FMO5: variants seen among roughly 807,000 people sequenced by gnomAD.
FMO5 encodes flavin containing dimethylaniline monoxygenase 5.
In FMO5, 51 loss-of-function variants were observed where a neutral mutation model predicts 43.6. That is an observed-to-expected ratio of 1.17 (90% CI 0.93 to 1.48). FMO5 has a LOEUF of 1.48. FMO5 is among the 40% of genes most tolerant of loss of function. FMO5 has a pLI of 0.00. For synonymous variants in FMO5, 187 were observed against 216.5 expected (o/e 0.86, Z 1.20); for missense variants, 644 against 643.0 (o/e 1.00, Z -0.02).
chr1:147,196,018 G>C (rs1657932298), intron 7 of FMO5, among the ~76,000 whole-genome samples: 1 of 152,260 alleles, frequency 6.6e-6, no homozygotes, highest in Middle Eastern at 3.4e-3. Flanking sequence ...GAGCCACAGA[G>C]TTTAATGTTA....
chr1:147,186,672 A>G lies in FMO5; in HGVS notation c.*228T>C. ...AAAAGAGTACCTGAGCTCCCAGTCT[A>G]GGGATTACCACAAGGAAGAGTGACG... On this transcript the variant is annotated 3_prime_UTR_variant, in exon 9 of 9. Transcript: ENST00000254090. 7.4e-7 allele frequency: 1 copy of G among 1,346,070 alleles called. No homozygotes were observed. Among genetic ancestry groups the G allele is most frequent in the Non-Finnish European group, 9.5e-7 (1 of 1,051,788 alleles). 83.4% of individuals were successfully genotyped at this position (1,346,070 alleles called of 1,614,324 possible). A position where few individuals can be genotyped will look rare whatever the true frequency, so the allele number is the denominator to read the frequency against.
downstream of FMO5, chr1:147,186,226 TG>T: frequency 1.5e-6 from 1 of 657,994 alleles, no homozygotes; most frequent in Non-Finnish European, 1.9e-6. Flanking sequence ...CATTGGCAGA[TG>T]GTAGATGATC....
intron 2 of FMO5, among the ~76,000 whole-genome samples, chr1:147,223,289 G>A (rs1354562238): frequency 2.0e-5 from 3 of 152,192 alleles, no homozygotes; most frequent in Non-Finnish European, 4.4e-5. Flanking sequence ...ATACACGTAT[G>A]CAGGTCAGCT....
chr1:147,208,143 GGTGA>G (rs28381197), intron 6 of FMO5, among the ~76,000 whole-genome samples: 5,600 of 152,200 alleles, frequency 0.037, 147 homozygotes, highest in South Asian at 0.095. Context: ...TCCTCAGAAA[GGTGA>G]GTGTTATTTC....
chr1:147,192,800 A>G (rs1255003120), intron 7 of FMO5, among the ~76,000 whole-genome samples: 4 of 152,122 alleles, frequency 2.6e-5, no homozygotes, highest in African/African-American at 9.7e-5. Flanking sequence ...TTCTGTTTAT[A>G]TGCTGGATTA....
downstream of FMO5, chr1:147,184,701 T>G: frequency 7.0e-7 from 1 of 1,419,352 alleles, no homozygotes; most frequent in Non-Finnish European, 9.2e-7. This position sits in a 1 kb window ranked among gnomAD's most constrained non-coding sequence, Gnocchi z 4.4. Context: ...ATCTCAAAGG[T>G]ACATACTATC....
At chr1:147,198,680 C>A (rs1230331381) in intron 7 of FMO5, among the ~76,000 whole-genome samples, 1 of 151,740 alleles carries the variant, frequency 6.6e-6, no homozygotes, top group East Asian at 1.9e-4. Context: ...GAAACCCCGT[C>A]TGTATTAAAA....
At position 147,201,269 on chromosome 1, in the gene FMO5, C is replaced by A. The variant is rs138976736; in HGVS notation, c.1066G>T (p.Val356Phe). The change falls in exon 7 of 9, where the codon GTC (valine) becomes TTC (phenylalanine). Residue 356 changes from valine to phenylalanine, a missense_variant. Physicochemically the swap from Val to Phe is conservative, Grantham distance 50. Transcript: ENST00000254090. ...VKNKISLYKK[V>F]FPPNLERPTL... is the part of the protein sequence containing the mutation. The stretch of plus-strand genomic sequence containing the variant: ...GGCCTTTCCAGGTTAGGAGGGAAGA[C>A]CTTTTTATACAGGGATATCTTGTTT... 1.5e-5 allele frequency: 25 copies of A among 1,613,984 alleles called. No homozygotes were observed. Among genetic ancestry groups the A allele is most frequent in the Non-Finnish European group, 2.1e-5 (25 of 1,179,990 alleles).
chr1:147,224,775 G>C (rs1553927129), intron 2 of FMO5, 120 bp downstream of exon 2: 1 of 889,914 alleles, frequency 1.1e-6, no homozygotes, highest in Non-Finnish European at 1.8e-6. Context: ...CTCCCAAAGT[G>C]CTAGGATTAC....
At chr1:147,184,778 C>T, downstream of FMO5, 1 of 1,086,478 alleles carries the variant, frequency 9.2e-7, no homozygotes, top group Non-Finnish European at 1.2e-6. The surrounding 1 kb of genome is among the most constrained non-coding windows in gnomAD (Gnocchi z 4.4). Context: ...TCAGATTTCT[C>T]CACTACAAAG....
intron 5 of FMO5, among the ~76,000 whole-genome samples, chr1:147,212,163 T>G (rs1345554911): frequency 1.3e-5 from 2 of 152,322 alleles, no homozygotes; most frequent in South Asian, 2.1e-4. Flanking sequence ...ATCCAGTTCC[T>G]TGGTGTGAGG....
At chr1:147,202,420 A>G (rs1659186119) in intron 6 of FMO5, among the ~76,000 whole-genome samples, 1 of 146,396 alleles carries the variant, frequency 6.8e-6, no homozygotes, top group Non-Finnish European at 1.5e-5. Context: ...CCCAGGTTCA[A>G]GTGATTCTGC....
At chr1:147,184,306 A>G (rs1655435660), downstream of FMO5, 1 of 499,914 alleles carries the variant, frequency 2.0e-6, no homozygotes, top group East Asian at 3.8e-5. The surrounding 1 kb of genome is among the most constrained non-coding windows in gnomAD (Gnocchi z 4.4). Flanking sequence ...ATTCTCATGT[A>G]CCCCACATCC....
intron 6 of FMO5, among the ~76,000 whole-genome samples, chr1:147,205,645 G>A (rs1659858706): frequency 6.6e-6 from 1 of 152,038 alleles, no homozygotes; most frequent in South Asian, 2.1e-4. Context: ...TGACAAACCT[G>A]ACAAAAACAA....
rs1663752378 is a variant in FMO5, at chr1:147,224,883, AG to A, written c.135+11del. On this transcript the variant is annotated intron_variant, in intron 2 of 8. Transcript: ENST00000254090. ...GGGTTTCAAGTATTAAGGGACTAGG[AG>A]ATGTATGTACCTGGAACCTCCAGAG... 8.7e-6 allele frequency: 14 copies of A among 1,612,938 alleles called. No homozygotes were observed. The highest frequency in any genetic ancestry group is 1.1e-5 in the Non-Finnish European group (13 of 1,178,992).
Position 147,216,668 on chromosome 1 carries a change from A to C in FMO5, c.136-726T>G, listed in dbSNP as rs587661316. Among the ~76,000 whole-genome samples the C allele has an allele frequency of 9.9e-5, 15 of 152,284 alleles. No homozygotes were observed. In the South Asian group the frequency reaches 1.7e-3, roughly 17 times the overall value. On this transcript the variant is annotated intron_variant, in intron 2 of 8. Transcript: ENST00000254090. ...CAAAAATGAGACAAGCTAAATGCCC[A>C]AAAAAACAACTGAAATTTGAGAACC... is the stretch of plus-strand genomic sequence containing the variant.
At chr1:147,188,616 A>T (rs1656070300) in intron 8 of FMO5, among the ~76,000 whole-genome samples, 1 of 151,774 alleles carries the variant, frequency 6.6e-6, no homozygotes, top group Non-Finnish European at 1.5e-5. Context: ...AGATTAAATA[A>T]ACTCATATAA....
chr1:147,193,689 A>G (rs1380987139), intron 7 of FMO5, among the ~76,000 whole-genome samples: 28 of 152,058 alleles, frequency 1.8e-4, no homozygotes, highest in Admixed American at 1.8e-3. Context: ...TGTGTTCCAG[A>G]GATTCTGGTA....
At position 147,186,532 on chromosome 1, in the gene FMO5, C is replaced by T. The variant is rs998569092; in HGVS notation, c.*368G>A. The T allele has an allele frequency of 2.8e-5, 28 of 999,730 alleles. No homozygotes were observed. Among genetic ancestry groups the T allele is most frequent in the Admixed American group, 1.2e-4 (2 of 17,252 alleles). 61.9% of individuals were successfully genotyped at this position (999,730 alleles called of 1,614,324 possible). On this transcript the variant is annotated 3_prime_UTR_variant, in exon 9 of 9. Transcript: ENST00000254090. ...CAGAAGAAGAGTTACGTGGAGTAAG[C>T]GATTTTATACCGATGCTGACTTACT...
Sources: allele counts gnomAD v4.1 joint callset (sites outside exome capture counted in the v4.1 genomes callset), GRCh38; gene constraint gnomAD v4.1.1; non-coding constraint Gnocchi (gnomAD v3.1); transcripts MANE v1.5; gene names NCBI Gene and HGNC (gene_info 2026-07-23, HGNC 2026-07-21).